The following SLC38A1 variants were observed in gnomAD, a reference collection of about 807,000 sequenced individuals.
SLC38A1 encodes solute carrier family 38 member 1.
SLC38A1 carries 18 observed loss-of-function variants against 60.3 expected under a neutral mutation model. The ratio of observed to expected loss-of-function variants is 0.30; its 90% CI spans 0.21 to 0.44. The LOEUF is 0.44. Among genes scored for constraint, SLC38A1 ranks in the 20% least tolerant of loss-of-function variants. SLC38A1 has a pLI of 1.00. For missense variants in SLC38A1, 448 were observed against 587.2 expected, an observed-to-expected ratio of 0.76 and a Z score of 2.45; for synonymous variants, 196 against 212.1, an observed-to-expected ratio of 0.92 and a Z score of 0.66.
At chr12:46,192,657 T>C (rs1939193901) in intron 16 of SLC38A1, among the ~76,000 whole-genome samples, 1 of 152,228 alleles carries the variant, frequency 6.6e-6, no homozygotes, top group Non-Finnish European at 1.5e-5. Context: ...TGGTTTAGTC[T>C]TGGGAGGGTT....
chr12:46,199,307 TTGTGTGTGTGTG>T (rs71067986), intron 13 of SLC38A1, among the ~76,000 whole-genome samples: 4,021 of 125,244 alleles, frequency 0.032, 153 homozygotes, highest in African/African-American at 0.095. Flanking sequence ...ATGTACTACT[TTGTGTGTGTGTG>T]TGTGTGTGTG....
chr12:46,206,048 C>A (rs1304857311), intron 9 of SLC38A1, 32 bp downstream of exon 9: 1 of 1,399,916 alleles, frequency 7.1e-7, no homozygotes, highest in Non-Finnish European at 1.0e-6. Flanking sequence ...TTGGGCACTG[C>A]AGAATATGAT....
chr12:46,219,032 G>T (rs113160775), intron 5 of SLC38A1, among the ~76,000 whole-genome samples: 2 of 152,192 alleles, frequency 1.3e-5, no homozygotes, highest in African/African-American at 4.8e-5. Context: ...GACTCTTGGA[G>T]CCAGAGGCTG....
intron 5 of SLC38A1, among the ~76,000 whole-genome samples, chr12:46,212,253 A>T (rs975368901): frequency 2.6e-5 from 4 of 152,236 alleles, no homozygotes; most frequent in African/African-American, 9.6e-5. Flanking sequence ...ACATATAATT[A>T]TGGTTTCCTG....
chr12:46,207,625 T>C lies in SLC38A1; in HGVS notation c.389-4A>G, dbSNP rs2137218267. ...AGCTTTTCATACACCATGCAGCCTA[T>C]TTAAAAATCAAATTTGAGAACACAA... On this transcript the variant is annotated splice_polypyrimidine_tract_variant and splice_region_variant and intron_variant, in intron 6 of 16. Coordinates refer to ENST00000398637, the MANE Select transcript of SLC38A1 (RefSeq NM_030674.4). 2 of 1,613,298 alleles carry C rather than the reference T, an allele frequency of 1.2e-6. No individual in the cohort carries two copies. The highest frequency in any genetic ancestry group is 2.2e-5 in the East Asian group (1 of 44,864).
At chr12:46,200,969 A>G (rs1314129241) in intron 13 of SLC38A1, 129 bp downstream of exon 13, 2 of 684,578 alleles carry the variant, frequency 2.9e-6, no homozygotes, top group Non-Finnish European at 5.1e-6. Flanking sequence ...AAGTCGAAGA[A>G]AAAACTAGAA....
chr12:46,201,339 T>G lies in SLC38A1; in HGVS notation c.903-141A>C, dbSNP rs111276788. The G allele has an allele frequency of 1.8e-3, 1,189 of 673,834 alleles. 10 individuals are homozygous for G. The African/African-American group carries it at 0.018, about 10-fold the overall frequency. 41.7% of individuals were successfully genotyped at this position (673,834 alleles called of 1,614,324 possible). The stretch of plus-strand genomic sequence containing the variant: ...CAGCTGAAATTACCCCTGGCAGTTA[T>G]GCCAGTTGAAAATAACCTCTCTTAT... On this transcript the variant is annotated intron_variant, in intron 12 of 16. Coordinates refer to ENST00000398637, the MANE Select transcript of SLC38A1 (RefSeq NM_030674.4).
intron 16 of SLC38A1, among the ~76,000 whole-genome samples, chr12:46,195,353 A>G (rs1939321286): frequency 6.6e-6 from 1 of 152,194 alleles, no homozygotes; most frequent in Non-Finnish European, 1.5e-5. Context: ...GGTATCTCTC[A>G]GCCCCTGATG....
chr12:46,230,048 G>A (rs1941013334), intron 3 of SLC38A1, among the ~76,000 whole-genome samples: 1 of 152,096 alleles, frequency 6.6e-6, no homozygotes, highest in East Asian at 1.9e-4. Context: ...TTTTTGTATA[G>A]TTTTTCCCTA....
In SLC38A1 at chr12:46,236,705, C is replaced by T. The variant is rs563954478; in HGVS notation, c.122+2974G>A. Among the ~76,000 whole-genome samples the T allele has an allele frequency of 2.4e-3, 364 of 152,294 alleles. 2 individuals are homozygous for T. The highest frequency in any genetic ancestry group is 0.024 in the South Asian group (115 of 4,826). On this transcript the variant is annotated intron_variant, in intron 3 of 16. Transcript: ENST00000398637. The stretch of plus-strand genomic sequence containing the variant: ...AATATAAAGATGATTAAGACAGTCC[C>T]TTTTCACAAGAAGTTCACATTTAGA...
intron 16 of SLC38A1, 69 bp downstream of exon 16, chr12:46,197,651 G>A: frequency 2.0e-6 from 2 of 995,836 alleles, no homozygotes; most frequent in Non-Finnish European, 3.1e-6. Context: ...TAGAGAGGTG[G>A]ACTATTTATT....
chr12:46,214,497 A>G (rs1023824602), intron 5 of SLC38A1, among the ~76,000 whole-genome samples: 1 of 152,252 alleles, frequency 6.6e-6, no homozygotes, highest in Non-Finnish European at 1.5e-5. Context: ...CATATTTAAA[A>G]GTACCATATG....
In SLC38A1 at chr12:46,188,933, A is replaced by T. The variant is rs1247522464; in HGVS notation, c.*37T>A. 6.4e-7 allele frequency: 1 copy of T among 1,554,924 alleles called. No homozygotes were observed. The highest frequency in any genetic ancestry group is 1.1e-5 in the South Asian group (1 of 89,964). ...TTGCTGATGTGTGGGGACTTGACTG[A>T]GCAGACAACAGGGATGTTTCTTTTT... On this transcript the variant is annotated 3_prime_UTR_variant, in exon 17 of 17. Coordinates refer to ENST00000398637, the MANE Select transcript of SLC38A1 (RefSeq NM_030674.4).
intron 16 of SLC38A1, among the ~76,000 whole-genome samples, chr12:46,190,260 C>T (rs1366675110): frequency 6.6e-6 from 1 of 152,190 alleles, no homozygotes; most frequent in African/African-American, 2.4e-5. Flanking sequence ...CTGCAAAGGA[C>T]ATGAACTGAT....
chr12:46,209,640 G>A (rs1415368824), intron 5 of SLC38A1, among the ~76,000 whole-genome samples: 13 of 152,120 alleles, frequency 8.5e-5, no homozygotes, highest in Non-Finnish European at 8.8e-5. Flanking sequence ...TTACTTCATG[G>A]CTATTTTAAA....
At chr12:46,201,021 TAA>T (rs1939633069) in intron 13 of SLC38A1, 75 bp downstream of exon 13, 2 of 1,087,538 alleles carry the variant, frequency 1.8e-6, no homozygotes, top group Admixed American at 4.5e-5. Flanking sequence ...CCTTTCATGT[TAA>T]AAGTTATTTC....
intron 3 of SLC38A1, among the ~76,000 whole-genome samples, chr12:46,230,778 T>C (rs987444578): frequency 5.3e-5 from 8 of 152,224 alleles, no homozygotes; most frequent in Admixed American, 4.6e-4. Context: ...CAAATGATTT[T>C]GTCAAAGAAA....
chr12:46,264,312 A>C (rs1942288142), intron 1 of SLC38A1, among the ~76,000 whole-genome samples: 1 of 152,238 alleles, frequency 6.6e-6, no homozygotes. Flanking sequence ...TGGACAGATG[A>C]GAAAATGAGG....
intron 1 of SLC38A1, among the ~76,000 whole-genome samples, chr12:46,258,179 C>A (rs1205490466): frequency 1.3e-5 from 2 of 152,152 alleles, no homozygotes; most frequent in African/African-American, 4.8e-5. Flanking sequence ...TTTACTGCAA[C>A]CTGTTTTATC....
Sources: allele counts gnomAD v4.1 joint callset (sites outside exome capture counted in the v4.1 genomes callset), GRCh38; gene constraint gnomAD v4.1.1; transcripts MANE v1.5; gene names NCBI Gene and HGNC (gene_info 2026-07-23, HGNC 2026-07-21).